Variants in HECW2 observed in about 807,000 individuals in gnomAD.
HECW2 encodes the protein HECT, C2 and WW domain containing E3 ubiquitin protein ligase 2.
HECW2 carries 61 observed loss-of-function variants against 175.2 expected under a neutral mutation model. That is an observed-to-expected ratio of 0.35 (90% CI 0.28 to 0.43). The LOEUF is 0.43. Among genes scored for constraint, HECW2 ranks in the 20% least tolerant of loss-of-function variants. HECW2 has a pLI of 1.00. For missense variants in HECW2, 1,524 were observed against 2,000.5 expected (o/e 0.76, Z 4.54); for synonymous variants, 671 against 731.0 (o/e 0.92, Z 1.32).
At chr2:196,233,220 C>T (rs1223033428) in intron 21 of HECW2, among the ~76,000 whole-genome samples, 6 of 152,066 alleles carry the variant, frequency 3.9e-5, no homozygotes, top group African/African-American at 9.7e-5. Context: ...AAACTCTGGA[C>T]GACGGGTGTG....
chr2:196,540,352 TA>T, intron 1 of HECW2, among the ~76,000 whole-genome samples: 1 of 152,354 alleles, frequency 6.6e-6, no homozygotes, highest in Middle Eastern at 3.4e-3. Context: ...AGAAATCTGT[TA>T]ATGTCAATGA....
At chr2:196,227,529 G>C (rs755327181) in intron 22 of HECW2, among the ~76,000 whole-genome samples, 7 of 149,672 alleles carry the variant, frequency 4.7e-5, no homozygotes, top group Non-Finnish European at 7.4e-5. Context: ...AGTGGCCACT[G>C]CTTGTGACTC....
intron 1 of HECW2, among the ~76,000 whole-genome samples, chr2:196,571,050 A>G (rs1430614553): frequency 1.3e-5 from 2 of 152,254 alleles, no homozygotes; most frequent in Non-Finnish European, 2.9e-5. Flanking sequence ...CTACTAATTT[A>G]TCAATGAAAT....
intron 22 of HECW2, among the ~76,000 whole-genome samples, chr2:196,227,487 C>G (rs1438862818): frequency 1.3e-5 from 2 of 152,162 alleles, no homozygotes; most frequent in Non-Finnish European, 2.9e-5. Flanking sequence ...GAGGCAACAC[C>G]TGGTTACAAA....
At chr2:196,523,951 T>C (rs1225739153) in intron 1 of HECW2, among the ~76,000 whole-genome samples, 1 of 152,172 alleles carries the variant, frequency 6.6e-6, no homozygotes, top group South Asian at 2.1e-4. Flanking sequence ...TTTGATTGTG[T>C]CTCTGCCCGG....
rs562305348 is a variant in HECW2, at chr2:196,496,010, C to A, written c.-35-62552G>T. 2.1e-4 allele frequency among the ~76,000 whole-genome samples: 32 copies of A among 152,292 alleles called. No homozygotes were observed. The South Asian group carries it at 6.6e-3, about 32-fold the overall frequency. ...TAGAACAGGAAAGGAAGATGAGCAT[C>A]TTTTATCTTTCCAAACATCAGACTT... On this transcript the variant is annotated intron_variant, in intron 1 of 28. Transcript: ENST00000644978.
chr2:196,468,659 T>C (rs554295458), intron 1 of HECW2, among the ~76,000 whole-genome samples: 16 of 152,338 alleles, frequency 1.1e-4, no homozygotes, highest in South Asian at 2.1e-4. Flanking sequence ...CCATTTTTTT[T>C]CCCTGCTTGT....
In HECW2 at chr2:196,318,986, T is replaced by C. The variant is rs754862237; in HGVS notation, c.1904A>G (p.Glu635Gly). The part of the protein sequence containing the change: ...VSEASTRPEG[E>G]SDLECADSSC... Reference sequence around the variant, plus strand: ...GCTGTCAGCGCATTCCAGGTCACTCTCTCCCTCAGGCCTGGTGCTGGCTTC... The same window carrying C: ...GCTGTCAGCGCATTCCAGGTCACTCCCTCCCTCAGGCCTGGTGCTGGCTTC... Residue 635 changes from glutamate to glycine, a missense_variant, in exon 9 of 29, where the codon GAG (glutamate) becomes GGG (glycine). This residue lies in a region of HECW2 where 604 missense variants were observed against 588.3 expected (regional missense o/e 1.03). Coordinates refer to ENST00000644978, the MANE Select transcript of HECW2 (RefSeq NM_001348768.2). 8.1e-6 allele frequency: 13 copies of C among 1,613,742 alleles called. No homozygotes were observed. In the East Asian group the frequency reaches 2.7e-4, roughly 33 times the overall value.
chr2:196,421,225 C>T (rs7561283), intron 2 of HECW2, among the ~76,000 whole-genome samples: 2,207 of 152,114 alleles, frequency 0.015, 67 homozygotes, highest in African/African-American at 0.05. Context: ...AAAGTCCAAA[C>T]ATATCAAAAG....
At chr2:196,399,263 T>C (rs1175692413) in intron 2 of HECW2, among the ~76,000 whole-genome samples, 1 of 86,746 alleles carries the variant, frequency 1.2e-5, no homozygotes, top group Non-Finnish European at 3.0e-5. Context: ...AACATCAAGT[T>C]ACATTAAGTT....
At chr2:196,502,276 T>C (rs1433494990) in intron 1 of HECW2, among the ~76,000 whole-genome samples, 1 of 149,594 alleles carries the variant, frequency 6.7e-6, no homozygotes, top group African/African-American at 2.4e-5. Flanking sequence ...TTTGTTTTTA[T>C]TTGTTTGTTC....
intron 1 of HECW2, among the ~76,000 whole-genome samples, chr2:196,561,989 T>C (rs1690016508): frequency 6.6e-6 from 1 of 152,222 alleles, no homozygotes; most frequent in Admixed American, 6.5e-5. Context: ...AACACGTTAT[T>C]TCCTTTTGAC....
chr2:196,565,272 T>C lies in HECW2; in HGVS notation c.-36+28236A>G, dbSNP rs144258034. Among the ~76,000 whole-genome samples, 91 of 152,232 alleles carry C rather than the reference T, an allele frequency of 6.0e-4. No individual in the cohort carries two copies. The East Asian group carries it at 9.3e-3, about 15-fold the overall frequency. ...GCAGGTTAAATCAGTGAAAACTCAA[T>C]CTAAATTTGGGGAATTTAATCTAAA... On this transcript the variant is annotated intron_variant, in intron 1 of 28. Coordinates refer to ENST00000644978, the MANE Select transcript of HECW2 (RefSeq NM_001348768.2).
At chr2:196,329,372 G>A (rs957776072) in intron 5 of HECW2, among the ~76,000 whole-genome samples, 2 of 151,972 alleles carry the variant, frequency 1.3e-5, no homozygotes, top group Non-Finnish European at 2.9e-5. Flanking sequence ...CAGAAAACTT[G>A]GTAGAAGAAA....
chr2:196,301,352 C>T (rs768659780), intron 13 of HECW2, among the ~76,000 whole-genome samples: 14 of 152,088 alleles, frequency 9.2e-5, no homozygotes, highest in Non-Finnish European at 1.6e-4. Context: ...GTTCACGTAT[C>T]TTTATAATAG....
chr2:196,515,237 C>T (rs1160660437), intron 1 of HECW2, among the ~76,000 whole-genome samples: 1 of 152,240 alleles, frequency 6.6e-6, no homozygotes, highest in Non-Finnish European at 1.5e-5. Flanking sequence ...GCACAGTGGC[C>T]GGATCCCATG....
chr2:196,377,986 A>G (rs911025706), intron 2 of HECW2, among the ~76,000 whole-genome samples: 1 of 152,256 alleles, frequency 6.6e-6, no homozygotes, highest in Non-Finnish European at 1.5e-5. Context: ...CAATTATTTT[A>G]AAAACAAGTT....
chr2:196,523,411 C>G (rs373043126), intron 1 of HECW2, among the ~76,000 whole-genome samples: 4,812 of 151,050 alleles, frequency 0.032, 89 homozygotes, highest in Middle Eastern at 0.079. Flanking sequence ...TACAATCATG[C>G]CGTCTGCAAA....
intron 12 of HECW2, 107 bp from the exon 13 acceptor site, chr2:196,306,719 A>G (rs984817949): frequency 1.6e-5 from 18 of 1,106,568 alleles, no homozygotes; most frequent in Admixed American, 3.3e-5. Context: ...TACCTACATC[A>G]TGTGTCATCA....
Sources: allele counts gnomAD v4.1 joint callset (sites outside exome capture counted in the v4.1 genomes callset), GRCh38; gene constraint gnomAD v4.1.1; regional missense constraint gnomAD v4.1.1; transcripts MANE v1.5; gene names NCBI Gene and HGNC (gene_info 2026-07-23, HGNC 2026-07-21).